LINS1: variants seen among roughly 807,000 people sequenced by gnomAD.
The protein encoded by LINS1 is lines homolog 1, also known as protein Lines homolog 1.
A neutral mutation model predicts 41.6 loss-of-function variants in LINS1; 27 were observed. That is an observed-to-expected ratio of 0.65 (90% CI 0.48 to 0.89). The LOEUF is 0.89. Among genes scored for constraint, LINS1 ranks in the 40% least tolerant of loss-of-function variants. The probability of loss-of-function intolerance (pLI) is 0.00; values close to 1 mark genes in which losing one functional copy is unlikely to be tolerated. For missense variants in LINS1, 955 were observed against 884.1 expected, an observed-to-expected ratio of 1.08 and a Z score of -1.02; for synonymous variants, 336 against 312.9, an observed-to-expected ratio of 1.07 and a Z score of -0.78.
chr15:100,576,198 GAC>G (rs1405608584), intron 3 of LINS1, among the ~76,000 whole-genome samples: 1 of 152,078 alleles, frequency 6.6e-6, no homozygotes, highest in Non-Finnish European at 1.5e-5. Context: ...AGGAGATAGA[GAC>G]ACAAAAAACC....
rs1355402795 is a variant in LINS1 at position 100,569,441 on chromosome 15, A to G, written c.2071T>C (p.Phe691Leu). ...GGGGCTACTTCACAATCAAAGGAGA[A>G]GGCAGTATCAAATTCTTTCAGAACC... ...PLVLKEFDTA[F>L]SFDCEVAPND... The change falls in exon 7 of 7, where the codon TTC becomes CTC. Residue 691 changes from phenylalanine (F) to leucine (L), a missense_variant. Physicochemically the swap from Phe to Leu is conservative, Grantham distance 22. Transcript: ENST00000314742. The G allele has an allele frequency of 6.2e-7, 1 of 1,614,170 alleles. No individual in the cohort carries two copies. Among genetic ancestry groups the G allele is most frequent in the Non-Finnish European group, 8.5e-7 (1 of 1,180,016 alleles).
chr15:100,569,383 T>G lies in LINS1; in HGVS notation c.2129A>C (p.Tyr710Ser). 4.3e-6 allele frequency: 7 copies of G among 1,614,066 alleles called. No individual in the cohort carries two copies. Among genetic ancestry groups the G allele is most frequent in the Non-Finnish European group, 5.9e-6 (7 of 1,179,962 alleles). ...NDVVSEVGIF[Y>S]RIVKCFQELQ... ...TTCCTGGAAGCATTTTACTATTCTG[T>G]AAAATATTCCCACTTCAGAGACGAC... Residue 710 changes from tyrosine to serine, a missense_variant, in exon 7 of 7, where the codon TAC (tyrosine) becomes TCC (serine). By Grantham distance (144) the Tyr-to-Ser change is moderately radical (BLOSUM62 -2). Transcript: ENST00000314742.
rs149842069 is a variant in LINS1 at position 100,584,309 on chromosome 15, A to G, written c.-103-3364T>C. ...CCAATAATATTCCTATGGGTCACTA[A>G]GTCCTTAAATTTTACCAAAATGAAA... On this transcript the variant is annotated intron_variant, in intron 1 of 6. Transcript: ENST00000314742. Among the ~76,000 whole-genome samples, 307 of 152,348 alleles carry G rather than the reference A, an allele frequency of 2.0e-3. 2 individuals carry two copies. Among genetic ancestry groups the G allele is most frequent in the African/African-American group, 7.0e-3 (292 of 41,590 alleles).
At position 100,569,374 on chromosome 15, in the gene LINS1, A is replaced by G. The variant is rs774004794; in HGVS notation, c.2138T>C (p.Val713Ala). 3 of 1,614,128 alleles carry G rather than the reference A, an allele frequency of 1.9e-6. No individual in the cohort carries two copies. The highest frequency in any genetic ancestry group is 1.7e-6 in the Non-Finnish European group (2 of 1,180,020). The change falls in exon 7 of 7, where the codon GTA (valine) becomes GCA (alanine). Residue 713 changes from valine (V) to alanine (A), a missense_variant. Physicochemically the swap from Val to Ala is moderately conservative, Grantham distance 64 (BLOSUM62 0). Transcript: ENST00000314742. ...VSEVGIFYRI[V>A]KCFQELQDAI... ...ATCTTGTAGTTCCTGGAAGCATTTT[A>G]CTATTCTGTAAAATATTCCCACTTC...
At chr15:100,570,459 A>G (rs2037761659) in intron 6 of LINS1, 1 of 200,692 alleles carries the variant, frequency 5.0e-6, no homozygotes, top group South Asian at 8.4e-5. Flanking sequence ...ACCCTCAACA[A>G]GGGTGGGCAT....
At chr15:100,571,791 C>T in intron 6 of LINS1, 103 bp downstream of exon 6, 2 of 1,346,998 alleles carry the variant, frequency 1.5e-6, no homozygotes, top group South Asian at 1.2e-5. Flanking sequence ...GGATGTTTTC[C>T]CCCAAATGAT....
At chr15:100,574,266 TAAACAGGAA>T in intron 4 of LINS1, 25 bp from the exon 5 acceptor site, 1 of 1,433,354 alleles carries the variant, frequency 7.0e-7, no homozygotes, top group African/African-American at 1.4e-5. Context: ...ATAGGAATTA[TAAACAGGAA>T]AAACAGTCTT....
In LINS1 at chr15:100,580,723, A is replaced by G; in HGVS notation, c.120T>C (p.Asp40=). The G allele has an allele frequency of 6.2e-7, 1 of 1,611,920 alleles. No homozygotes were observed. The highest frequency in any genetic ancestry group is 8.5e-7 in the Non-Finnish European group (1 of 1,178,286). Reference sequence around the variant, plus strand: ...ATTCTAAGGAGGTGGCTGTAGAACAATCTTGATCTGAAACTGCTGGGTTGA... The same window carrying G: ...ATTCTAAGGAGGTGGCTGTAGAACAGTCTTGATCTGAAACTGCTGGGTTGA... The part of the protein sequence containing the change: ...FYLNPAVSDQ[D]CSTATSLEWA... The change falls in exon 2 of 7, where the codon GAT becomes GAC. Residue 40 remains aspartate (D), a synonymous_variant. Transcript: ENST00000314742.
chr15:100,570,073 C>T lies in LINS1; in HGVS notation c.1439G>A (p.Trp480Ter). The T allele has an allele frequency of 6.3e-7, 1 of 1,579,944 alleles. No homozygotes were observed. Among genetic ancestry groups the T allele is most frequent in the Non-Finnish European group, 8.5e-7 (1 of 1,171,856 alleles). ...TESLTQGKEMWDHHTHENGYN... is the reference protein window; with the variant it reads ...TESLTQGKEM ...GCCATTTTCATGTGTGTGATGGTCCCACATTTCTTTTCCCTGAGTCAAGCT... is the reference window on the plus strand; with the variant it reads ...GCCATTTTCATGTGTGTGATGGTCCTACATTTCTTTTCCCTGAGTCAAGCT... The change falls in exon 7 of 7, where the codon TGG becomes TAG. Residue 480 changes from tryptophan to a stop codon, truncating the protein, a stop_gained. Transcript: ENST00000314742. LOFTEE classifies it low-confidence loss of function (END_TRUNC).
At chr15:100,590,524 TC>T (rs1162476010) in intron 1 of LINS1, among the ~76,000 whole-genome samples, 3 of 152,232 alleles carry the variant, frequency 2.0e-5, no homozygotes, top group Non-Finnish European at 4.4e-5. Context: ...ATGGCCCTTT[TC>T]CATTGCAAAA....
chr15:100,591,044 G>C (rs968184528), intron 1 of LINS1, among the ~76,000 whole-genome samples: 1 of 152,060 alleles, frequency 6.6e-6, no homozygotes, highest in Non-Finnish European at 1.5e-5. Flanking sequence ...AGGCATGGTG[G>C]CACATGCCTG....
chr15:100,586,334 T>A (rs1296250428), intron 1 of LINS1: 1 of 152,244 alleles, frequency 6.6e-6, no homozygotes, highest in African/African-American at 2.4e-5. Context: ...TTGTTAAAAC[T>A]GAAAGAACAG....
rs371667716 is a variant in LINS1 at position 100,580,250 on chromosome 15, T to C, written c.489+13A>G. 39 of 1,539,978 alleles carry C rather than the reference T, an allele frequency of 2.5e-5. No homozygotes were observed. Among genetic ancestry groups the C allele is most frequent in the Admixed American group, 3.4e-5 (2 of 59,508 alleles). On this transcript the variant is annotated intron_variant, in intron 3 of 6. Coordinates refer to ENST00000314742, the MANE Select transcript of LINS1 (RefSeq NM_001040616.3). ...AAAGAGAAATAATAACATACTTTGA[T>C]TACTTATCTTACCTTTTCTCTCAAT...
chr15:100,591,966 G>A (rs2039057704), intron 1 of LINS1, among the ~76,000 whole-genome samples: 1 of 152,166 alleles, frequency 6.6e-6, no homozygotes, highest in Non-Finnish European at 1.5e-5. Flanking sequence ...CAGGGACATA[G>A]GCTAATTCAC....
At chr15:100,572,372 GAT>G in intron 5 of LINS1, 1 of 1,180,870 alleles carries the variant, frequency 8.5e-7, no homozygotes, top group Non-Finnish European at 1.1e-6. Context: ...GCTAAAAGCA[GAT>G]AAATAAATGA....
chr15:100,574,293 CA>C, intron 4 of LINS1, 52 bp from the exon 5 acceptor site: 1 of 1,147,508 alleles, frequency 8.7e-7, no homozygotes, highest in Non-Finnish European at 1.3e-6. Flanking sequence ...CTTCTTCAAA[CA>C]ATTTTACAAT....
intron 1 of LINS1, among the ~76,000 whole-genome samples, chr15:100,584,872 G>A (rs748248642): frequency 6.6e-4 from 100 of 152,102 alleles, no homozygotes; most frequent in African/African-American, 2.1e-3. Context: ...GAGTTGCCCC[G>A]ACTTCCCCTT....
chr15:100,597,274 T>C (rs1467868130), intron 1 of LINS1, among the ~76,000 whole-genome samples: 2 of 152,192 alleles, frequency 1.3e-5, no homozygotes, highest in Non-Finnish European at 2.9e-5. Flanking sequence ...ATCTTTTTTT[T>C]TTTTTTTAAA....
rs761134102 is a variant in LINS1, at chr15:100,569,885, T to C, written c.1627A>G (p.Asn543Asp). The C allele has an allele frequency of 2.5e-6, 4 of 1,613,288 alleles. No homozygotes were observed. The East Asian group carries it at 8.9e-5, about 36-fold the overall frequency. ...KDWDNFFTIC[N>D]NFDATESKYD... is the part of the protein sequence containing the mutation. ...TTAGATTCAGTTGCATCAAAGTTAT[T>C]GCAAATGGTGAAAAAATTATCCCAG... The change falls in exon 7 of 7, where the codon AAT (asparagine) becomes GAT (aspartate). Residue 543 changes from asparagine to aspartate, a missense_variant. Transcript: ENST00000314742.
Sources: gnomAD v4.1 joint callset for allele counts (sites outside exome capture counted in the v4.1 genomes callset) on GRCh38, gnomAD v4.1.1 for gene constraint, MANE v1.5 for transcripts, NCBI Gene and HGNC (gene_info 2026-07-23, HGNC 2026-07-21) for gene names.